ZFYVE16: variants seen among roughly 807,000 people sequenced by gnomAD.
ZFYVE16 encodes zinc finger FYVE domain-containing protein 16.
ZFYVE16 carries 89 observed loss-of-function variants against 138.1 expected under a neutral mutation model. That is an observed-to-expected ratio of 0.64 (90% confidence interval 0.54 to 0.77). The LOEUF (loss-of-function observed/expected upper bound fraction) is 0.77, where lower values mean the gene tolerates loss of function less well. ZFYVE16 is among the 30% of genes least tolerant of loss of function. ZFYVE16 has a pLI of 0.00. For synonymous variants in ZFYVE16, 596 were observed against 618.3 expected, an observed-to-expected ratio of 0.96 and a Z score of 0.53; for missense variants, 1,793 against 1,786.7, an observed-to-expected ratio of 1.00 and a Z score of -0.06.
Position 80,474,648 on chromosome 5 carries a change from T to C in ZFYVE16, c.4294-15T>C. 1 of 1,588,112 alleles carries C rather than the reference T, an allele frequency of 6.3e-7. No homozygotes were observed. The highest frequency in any genetic ancestry group is 8.6e-7 in the Non-Finnish European group (1 of 1,167,868). ...CTTTTAATCATGACTTGTTTCCTAA[T>C]TAAATACATTTCAGGTGTTCTACTT... is the stretch of plus-strand genomic sequence containing the variant. On this transcript the variant is annotated splice_polypyrimidine_tract_variant and intron_variant, in intron 17 of 18. Transcript: ENST00000505560.
intron 11 of ZFYVE16, chr5:80,454,082 G>T (rs948868303): frequency 3.3e-5 from 5 of 151,938 alleles, no homozygotes; most frequent in African/African-American, 9.7e-5. Context: ...CTAATATCTT[G>T]TATTTTTTTC....
chr5:80,439,153 A>G, intron 4 of ZFYVE16, 146 bp downstream of exon 4: 1 of 883,602 alleles, frequency 1.1e-6, no homozygotes, highest in Non-Finnish European at 1.7e-6. Context: ...AGGGAAATAT[A>G]TAAAGCAGTG....
intron 4 of ZFYVE16, among the ~76,000 whole-genome samples, 160 bp from the exon 5 acceptor site, chr5:80,439,775 AG>A (rs1750452711): frequency 6.6e-6 from 1 of 152,212 alleles, no homozygotes; most frequent in Admixed American, 6.5e-5. Flanking sequence ...TACAAAAAAA[AG>A]AATCATTTAA....
chr5:80,427,605 G>A (rs577452889), intron 2 of ZFYVE16, 60 bp downstream of exon 2: 44 of 83,882 alleles, frequency 5.2e-4, no homozygotes, highest in African/African-American at 1.4e-3. Context: ...TGCCTCTGTC[G>A]TATGCTTTTT....
At chr5:80,455,164 T>C (rs1473960562) in intron 11 of ZFYVE16, 1 of 153,706 alleles carries the variant, frequency 6.5e-6, no homozygotes, top group Non-Finnish European at 1.4e-5. Context: ...GTTGTTGAAT[T>C]TAAATAAGAT....
Position 80,437,961 on chromosome 5 carries a change from GA to G in ZFYVE16, c.1278del (p.Glu426AspfsTer9). The G allele has an allele frequency of 6.2e-7, 1 of 1,613,958 alleles. No individual in the cohort carries two copies. Among genetic ancestry groups the G allele is most frequent in the Non-Finnish European group, 8.5e-7 (1 of 1,179,946 alleles). On this transcript the variant is annotated frameshift_variant, in exon 4 of 19. Coordinates refer to ENST00000505560, the MANE Select transcript of ZFYVE16 (RefSeq NM_001284236.3). LOFTEE classifies it high-confidence loss of function. ...ACAGAACAGTGTTGTTCTAGGTGGG[GA>G]ACCATTCAAAGAGAATGATCTTTTG... The part of the protein sequence containing the change: ...EIQNSVVLGG[E>X]PFKENDLLKQ...
In ZFYVE16 at chr5:80,455,979, C is replaced by T. The variant is rs149483018; in HGVS notation, c.3690+205C>T. The T allele has an allele frequency of 7.8e-4, 386 of 493,500 alleles. 2 individuals are homozygous for T. The highest frequency in any genetic ancestry group is 6.6e-3 in the African/African-American group (324 of 48,818). 30.6% of individuals were successfully genotyped at this position (493,500 alleles called of 1,614,324 possible). On this transcript the variant is annotated intron_variant, in intron 12 of 18. Transcript: ENST00000505560. The stretch of plus-strand genomic sequence containing the variant: ...TTAGAACGTACTATCTCCTCATGTA[C>T]GTGTACCTGATTCTAAGTGCCTTTT...
intron 2 of ZFYVE16, among the ~76,000 whole-genome samples, chr5:80,432,254 A>G (rs1360713323): frequency 6.6e-6 from 1 of 152,222 alleles, no homozygotes; most frequent in Non-Finnish European, 1.5e-5. Flanking sequence ...CAAATGGAAC[A>G]GAACAGAGCC....
chr5:80,433,034 C>T (rs1749315024), intron 2 of ZFYVE16, among the ~76,000 whole-genome samples: 2 of 152,294 alleles, frequency 1.3e-5, no homozygotes, highest in South Asian at 4.1e-4. Flanking sequence ...TGTGGCGATT[C>T]CTTAGGGATC....
chr5:80,433,404 AGG>A (rs1407534853), intron 2 of ZFYVE16, among the ~76,000 whole-genome samples: 1 of 152,170 alleles, frequency 6.6e-6, no homozygotes, highest in East Asian at 1.9e-4. Context: ...ACCTGGACAC[AGG>A]AAGGGGAACA....
chr5:80,440,163 G>T, intron 5 of ZFYVE16, 131 bp downstream of exon 5: 1 of 1,304,406 alleles, frequency 7.7e-7, no homozygotes, highest in Non-Finnish European at 9.8e-7. Flanking sequence ...GCTTAGGTGG[G>T]ACATCCCAAG....
chr5:80,451,780 A>G (rs1752010864), intron 11 of ZFYVE16, 71 bp downstream of exon 11: 1 of 1,378,736 alleles, frequency 7.3e-7, no homozygotes, highest in Admixed American at 2.1e-5. Flanking sequence ...TCAGGGAATC[A>G]TTAAAATCAA....
At chr5:80,477,054 G>A (rs1754982034) in intron 18 of ZFYVE16, among the ~76,000 whole-genome samples, 165 bp from the exon 19 acceptor site, 1 of 151,898 alleles carries the variant, frequency 6.6e-6, no homozygotes, top group Non-Finnish European at 1.5e-5. Flanking sequence ...TTATGTAGTA[G>A]ACAGATAAAA....
chr5:80,451,561 G>T lies in ZFYVE16; in HGVS notation c.3459G>T (p.Leu1153=), dbSNP rs1751992564. 1 of 1,613,732 alleles carries T rather than the reference G, an allele frequency of 6.2e-7. No homozygotes were observed. The highest frequency in any genetic ancestry group is 1.3e-5 in the African/African-American group (1 of 74,886). ...FLSSKDHGGF[L]FITPTFQKLD... ...GTAGCAAGGATCACGGAGGATTCCT[G>T]TTTATTACACCTACTTTTCAGAAAC... Residue 1153 remains leucine (L), a synonymous_variant, in exon 11 of 19, where the codon CTG becomes CTT. Transcript: ENST00000505560.
intron 15 of ZFYVE16, among the ~76,000 whole-genome samples, chr5:80,470,684 A>C (rs1258548778): frequency 6.6e-6 from 1 of 151,670 alleles, no homozygotes; most frequent in Non-Finnish European, 1.5e-5. Flanking sequence ...CTAATTTTTA[A>C]ACTTTTTGTA....
intron 7 of ZFYVE16, among the ~76,000 whole-genome samples, chr5:80,447,137 G>A (rs1023832843): frequency 1.3e-5 from 2 of 151,806 alleles, no homozygotes; most frequent in Non-Finnish European, 2.9e-5. Context: ...TGTGGCGCAT[G>A]CCTGTAGTCT....
At chr5:80,443,102 C>G (rs763553385) in intron 5 of ZFYVE16, 21 bp from the exon 6 acceptor site, 17 of 1,509,328 alleles carry the variant, frequency 1.1e-5, no homozygotes, top group South Asian at 2.7e-5. Flanking sequence ...GATTTTAACA[C>G]TATTGTTTTC....
Position 80,480,554 on chromosome 5 carries a change from CT to C in ZFYVE16, c.*3178del, listed in dbSNP as rs533921244. ...TAGATAGAATGCAGAATTTTAAAAA[CT>C]GATGAAAGACATGACCCCACACATT... On this transcript the variant is annotated 3_prime_UTR_variant, in exon 19 of 19. Transcript: ENST00000505560. 7.8e-4 allele frequency among the ~76,000 whole-genome samples: 119 copies of C among 152,190 alleles called. No individual in the cohort carries two copies. Among genetic ancestry groups the C allele is most frequent in the African/African-American group, 2.7e-3 (113 of 41,538 alleles).
Position 80,437,089 on chromosome 5 carries a change from A to C in ZFYVE16, c.404A>C (p.Asn135Thr). 1 of 1,614,172 alleles carries C rather than the reference A, an allele frequency of 6.2e-7. No individual in the cohort carries two copies. The highest frequency in any genetic ancestry group is 8.5e-7 in the Non-Finnish European group (1 of 1,180,014). ...PICDLISDMG[N>T]LVHATNSEED... Reference sequence around the variant, plus strand: ...TGTGATCTGATAAGTGACATGGGTAACTTAGTTCATGCAACCAATAGTGAA... The same window carrying C: ...TGTGATCTGATAAGTGACATGGGTACCTTAGTTCATGCAACCAATAGTGAA... The change falls in exon 4 of 19, where the codon AAC becomes ACC. Residue 135 changes from asparagine (N) to threonine (T), a missense_variant. By Grantham distance (65) the Asn-to-Thr change is moderately conservative. Coordinates refer to ENST00000505560, the MANE Select transcript of ZFYVE16 (RefSeq NM_001284236.3).
Sources: gnomAD v4.1 joint callset for allele counts (sites outside exome capture counted in the v4.1 genomes callset) on GRCh38, gnomAD v4.1.1 for gene constraint, MANE v1.5 for transcripts, NCBI Gene and HGNC (gene_info 2026-07-23, HGNC 2026-07-21) for gene names.